Variants in FOXP2 observed in about 807,000 individuals in gnomAD.
FOXP2 encodes the protein forkhead box protein P2.
Under a neutral mutation model 115.8 loss-of-function variants are expected in FOXP2, and 12 were observed. That is an observed-to-expected ratio of 0.10 (90% CI 0.07 to 0.17). FOXP2 has a LOEUF of 0.17. FOXP2 is among the 10% of genes least tolerant of loss of function. FOXP2 has a pLI of 1.00. For synonymous variants in FOXP2, 328 were observed against 297.7 expected, an observed-to-expected ratio of 1.10 and a Z score of -1.05; for missense variants, 629 against 843.5, an observed-to-expected ratio of 0.75 and a Z score of 3.15.
At chr7:114,355,377 G>T (rs558008598) in intron 2 of FOXP2, among the ~76,000 whole-genome samples, 4 of 152,190 alleles carry the variant, frequency 2.6e-5, no homozygotes, top group African/African-American at 9.6e-5. Flanking sequence ...CTTAGAGTGT[G>T]TTCTATAAAG....
At chr7:114,451,366 C>T (rs1466241266) in intron 2 of FOXP2, among the ~76,000 whole-genome samples, 1 of 151,956 alleles carries the variant, frequency 6.6e-6, no homozygotes, top group Non-Finnish European at 1.5e-5. Context: ...AGCTGTTGAC[C>T]TTGGGCTAGT....
intron 16 of FOXP2, among the ~76,000 whole-genome samples, chr7:114,688,720 C>T (rs1265858815): frequency 6.6e-6 from 1 of 152,070 alleles, no homozygotes; most frequent in Non-Finnish European, 1.5e-5. Context: ...GGAAATTTCC[C>T]ACCTCAACTT....
At chr7:114,572,209 A>G (rs1339700454) in intron 3 of FOXP2, among the ~76,000 whole-genome samples, 1 of 151,718 alleles carries the variant, frequency 6.6e-6, no homozygotes, top group African/African-American at 2.4e-5. Flanking sequence ...TGGAAGCAGC[A>G]ATAACATATC....
At chr7:114,594,010 G>A (rs2129309620) in intron 3 of FOXP2, among the ~76,000 whole-genome samples, 1 of 151,932 alleles carries the variant, frequency 6.6e-6, no homozygotes, top group Non-Finnish European at 1.5e-5. Flanking sequence ...GAAGTTACAA[G>A]GACCTATTTT....
chr7:114,306,217 T>C (rs990455902), intron 2 of FOXP2, among the ~76,000 whole-genome samples: 5 of 152,164 alleles, frequency 3.3e-5, no homozygotes, highest in Non-Finnish European at 7.4e-5. Context: ...TTGTGGATTC[T>C]AGCAGAAGAC....
intron 1 of FOXP2, among the ~76,000 whole-genome samples, chr7:114,244,524 G>T (rs970946076): frequency 1.3e-5 from 2 of 152,108 alleles, no homozygotes; most frequent in Admixed American, 6.6e-5. Flanking sequence ...GTGTGTGTGT[G>T]ATATGGTCAA....
chr7:114,687,554 T>C (rs1362405017), intron 16 of FOXP2, among the ~76,000 whole-genome samples: 1 of 152,206 alleles, frequency 6.6e-6, no homozygotes, highest in Non-Finnish European at 1.5e-5. Context: ...ATGTTACTGA[T>C]TTATAATTAA....
chr7:114,312,619 A>G (rs950896716), intron 2 of FOXP2, among the ~76,000 whole-genome samples: 3 of 152,204 alleles, frequency 2.0e-5, no homozygotes, highest in African/African-American at 7.2e-5. Context: ...GGCAGGACAC[A>G]TGAGATGTCA....
intron 2 of FOXP2, among the ~76,000 whole-genome samples, chr7:114,304,874 A>C (rs1193281627): frequency 1.3e-5 from 2 of 152,112 alleles, no homozygotes; most frequent in Non-Finnish European, 2.9e-5. Context: ...AAAGGCATTT[A>C]AGAATAGAAT....
chr7:114,589,991 A>T (rs1439216379), intron 3 of FOXP2, among the ~76,000 whole-genome samples: 1 of 152,108 alleles, frequency 6.6e-6, no homozygotes, highest in Non-Finnish European at 1.5e-5. Flanking sequence ...TTATTCTGTT[A>T]TACTAAACCA....
At chr7:114,317,383 C>G (rs181457776) in intron 2 of FOXP2, among the ~76,000 whole-genome samples, 192 of 152,272 alleles carry the variant, frequency 1.3e-3, no homozygotes, top group African/African-American at 4.4e-3. Context: ...GTAAGTGACA[C>G]AGTGGAAGTC....
At chr7:114,618,076 G>A (rs1288510264) in intron 3 of FOXP2, among the ~76,000 whole-genome samples, 1 of 152,092 alleles carries the variant, frequency 6.6e-6, no homozygotes, top group Non-Finnish European at 1.5e-5. Context: ...ATCCTTTTCT[G>A]ATTCTGCCAT....
intron 2 of FOXP2, among the ~76,000 whole-genome samples, chr7:114,493,520 T>G (rs537019340): frequency 1.3e-5 from 2 of 152,328 alleles, no homozygotes; most frequent in South Asian, 4.1e-4. Flanking sequence ...TCAATAGTGC[T>G]GTGCTCCTAA....
rs1363313242 is a variant in FOXP2, at chr7:114,692,853, T to G, written c.*2927T>G. 2.2e-6 allele frequency: 1 copy of G among 451,664 alleles called. No homozygotes were observed. Among genetic ancestry groups the G allele is most frequent in the East Asian group, 7.0e-5 (1 of 14,388 alleles). The allele number at this position is 451,664 out of a possible 1,614,324, so 28.0% of individuals were successfully genotyped here. ...TTATCTTTTTTGAGGTAAACTAATTTTTGATACTTTTCATTACTGTGTACT... is the reference window on the plus strand; with the variant it reads ...TTATCTTTTTTGAGGTAAACTAATTGTTGATACTTTTCATTACTGTGTACT... On this transcript the variant is annotated 3_prime_UTR_variant, in exon 17 of 17. Transcript: ENST00000350908.
intron 2 of FOXP2, among the ~76,000 whole-genome samples, chr7:114,352,996 C>A (rs916861102): frequency 3.3e-5 from 5 of 151,998 alleles, no homozygotes; most frequent in African/African-American, 1.2e-4. Context: ...GATTTCTTAC[C>A]CTGTCTGTAA....
At chr7:114,096,142 T>C (rs915316896) in intron 1 of FOXP2, among the ~76,000 whole-genome samples, 1 of 152,348 alleles carries the variant, frequency 6.6e-6, no homozygotes, top group African/African-American at 2.4e-5. Context: ...CGACTTTCTT[T>C]GTCACCATCA....
chr7:114,297,167 T>C, intron 2 of FOXP2: 1 of 492,532 alleles, frequency 2.0e-6, no homozygotes. Flanking sequence ...TCTCAGCTCC[T>C]CCTGCTTCCT....
chr7:114,132,135 T>C (rs532731243), intron 1 of FOXP2, among the ~76,000 whole-genome samples: 1 of 152,332 alleles, frequency 6.6e-6, no homozygotes, highest in South Asian at 2.1e-4. Context: ...TACTAAAACA[T>C]ATTAAAATCA....
intron 10 of FOXP2, among the ~76,000 whole-genome samples, chr7:114,656,184 C>T (rs1272051951): frequency 6.6e-6 from 1 of 151,992 alleles, no homozygotes; most frequent in Non-Finnish European, 1.5e-5. Context: ...GTAAAATGTA[C>T]AGAGTCCTGT....
Sources: gnomAD v4.1 joint callset for allele counts (sites outside exome capture counted in the v4.1 genomes callset) on GRCh38, gnomAD v4.1.1 for gene constraint, MANE v1.5 for transcripts, NCBI Gene and HGNC (gene_info 2026-07-23, HGNC 2026-07-21) for gene names.